TMPO: variants seen among roughly 807,000 people sequenced by gnomAD.
TMPO encodes LEM domain containing 4.
In TMPO, 22 loss-of-function variants were observed where a neutral mutation model predicts 45.4. The observed-to-expected ratio is 0.48, with a 90% confidence interval of 0.35 to 0.69. TMPO has a LOEUF of 0.69. Among genes scored for constraint, TMPO ranks in the 30% least tolerant of loss-of-function variants. TMPO has a pLI of 0.01. For missense variants in TMPO, 512 were observed against 548.8 expected (o/e 0.93, Z 0.67); for synonymous variants, 241 against 204.1 (o/e 1.18, Z -1.54).
At position 98,547,819 on chromosome 12, in the gene TMPO, C is replaced by T; in HGVS notation, c.1326C>T (p.Phe442=). 1 of 1,614,028 alleles carries T rather than the reference C, an allele frequency of 6.2e-7. No homozygotes were observed. The highest frequency in any genetic ancestry group is 1.7e-5 in the Admixed American group (1 of 59,980). Residue 442 remains phenylalanine, a synonymous_variant, in exon 9 of 9, where the codon TTC becomes TTT. Transcript: ENST00000556029. ...TGGAAACCAACCAAGTAAATCCCTT[C>T]TCTAATTTTCTTCATGTTGACCCTA... ...QAMETNQVNP[F]SNFLHVDPRK...
At chr12:98,531,547 A>T (rs796528859) in intron 2 of TMPO, 133 bp from the exon 3 acceptor site, 46 of 777,902 alleles carry the variant, frequency 5.9e-5, no homozygotes, top group African/African-American at 3.9e-4. Context: ...ATTATATGGT[A>T]TTTTTTTTTT....
intron 1 of TMPO, among the ~76,000 whole-genome samples, chr12:98,518,381 T>C (rs1177925988): frequency 2.0e-5 from 3 of 151,588 alleles, no homozygotes; most frequent in Non-Finnish European, 4.4e-5. Flanking sequence ...AGCCTCAAAC[T>C]CTTTGGCTCA....
chr12:98,543,609 A>G (rs549514260), intron 4 of TMPO, among the ~76,000 whole-genome samples: 2 of 152,314 alleles, frequency 1.3e-5, no homozygotes, highest in Admixed American at 6.5e-5. Flanking sequence ...GAGATTTGAA[A>G]GTGACGTTAG....
chr12:98,545,647 CAT>C (rs1878187726), intron 7 of TMPO, among the ~76,000 whole-genome samples: 1 of 152,002 alleles, frequency 6.6e-6, no homozygotes, highest in African/African-American at 2.4e-5. Context: ...AATTTTAAAA[CAT>C]ATAGTAAAGT....
rs553349069 is a variant in TMPO at position 98,533,521 on chromosome 12, T to C, written c.565+1683T>C. The C allele has an allele frequency of 3.1e-6, 5 of 1,614,166 alleles. No individual in the cohort carries two copies. The South Asian group carries it at 5.5e-5, about 18-fold the overall frequency. On this transcript the variant is annotated intron_variant, in intron 3 of 8. Transcript: ENST00000556029. ...TCAGTCTAAGTTTCAAGAAACTGAA[T>C]TCCTGTCTCCTCCAAGAAAAGTCCC... is the stretch of plus-strand genomic sequence containing the variant.
intron 1 of TMPO, among the ~76,000 whole-genome samples, chr12:98,525,664 C>T (rs1876709031): frequency 6.6e-6 from 1 of 150,696 alleles, no homozygotes; most frequent in African/African-American, 2.4e-5. Flanking sequence ...TCACTTGGAC[C>T]TTGGATGCAG....
chr12:98,547,670 A>G lies in TMPO; in HGVS notation c.1177A>G (p.Lys393Glu), dbSNP rs199545670. ...EESFSSKYVP[K>E]YVPLADVKSE... ...GTCTTTTTCATCTAAATATGTTCCT[A>G]AGTATGTTCCCTTGGCAGATGTCAA... The change falls in exon 9 of 9, where the codon AAG becomes GAG. Residue 393 changes from lysine (K) to glutamate (E), a missense_variant. Around this residue, in one of 3 missense-constraint regions of TMPO, gnomAD observed 209 missense variants for 235.1 expected, o/e 0.89. Transcript: ENST00000556029. 16 of 1,614,066 alleles carry G rather than the reference A, an allele frequency of 9.9e-6. No homozygotes were observed. Among genetic ancestry groups the G allele is most frequent in the Middle Eastern group, 1.6e-4 (1 of 6,084 alleles).
intron 3 of TMPO, among the ~76,000 whole-genome samples, chr12:98,536,135 A>T (rs1006291691): frequency 3.3e-5 from 5 of 152,340 alleles, no homozygotes; most frequent in East Asian, 1.9e-4. Flanking sequence ...TATTAAATAG[A>T]TTCTGTACTA....
At chr12:98,524,943 T>G (rs1876654007) in intron 1 of TMPO, among the ~76,000 whole-genome samples, 1 of 152,192 alleles carries the variant, frequency 6.6e-6, no homozygotes, top group Admixed American at 6.5e-5. Flanking sequence ...AGTTGGAATT[T>G]CCTGGATGTT....
At chr12:98,534,580 G>A (rs1463368578) in intron 3 of TMPO, 2 of 1,288,122 alleles carry the variant, frequency 1.6e-6, no homozygotes, top group African/African-American at 1.5e-5. Context: ...TCACATATTA[G>A]TCTCTAAGTT....
intron 3 of TMPO, chr12:98,532,361 C>T (rs1004305591): frequency 1.9e-4 from 31 of 166,342 alleles, no homozygotes; most frequent in Middle Eastern, 2.9e-3. Flanking sequence ...GTTTATTCTT[C>T]ATAATTAATA....
intron 1 of TMPO, 86 bp downstream of exon 1, chr12:98,516,232 G>GGC: frequency 3.1e-6 from 4 of 1,307,322 alleles, no homozygotes; most frequent in Non-Finnish European, 3.9e-6. Context: ...CTCCCTCCCG[G>GGC]GCGCCCCCTC....
At chr12:98,545,633 CTA>C (rs1878187274) in intron 7 of TMPO, among the ~76,000 whole-genome samples, 1 of 151,862 alleles carries the variant, frequency 6.6e-6, no homozygotes, top group Non-Finnish European at 1.5e-5. Context: ...ATTGCATTGA[CTA>C]TAATTTTAAA....
chr12:98,542,467 T>C (rs891049187), intron 4 of TMPO, among the ~76,000 whole-genome samples: 2 of 151,284 alleles, frequency 1.3e-5, no homozygotes, highest in Non-Finnish European at 3.0e-5. Context: ...TTTTTTTTTT[T>C]AAAGCTCTCC....
In TMPO at chr12:98,516,005, G is replaced by C; in HGVS notation, c.138G>C (p.Thr46=). The C allele has an allele frequency of 6.2e-7, 1 of 1,611,372 alleles. No homozygotes were observed. The highest frequency in any genetic ancestry group is 8.5e-7 in the Non-Finnish European group (1 of 1,179,578). Residue 46 remains threonine, a synonymous_variant, in exon 1 of 9, where the codon ACG becomes ACC. Transcript: ENST00000556029. ...TCCAGCTCTACCTGCAGCACCTCAC[G>C]GCTCGCAACCGGCCGCCGCTCCCCG... The part of the protein sequence containing the change: ...VYVQLYLQHL[T]ARNRPPLPAG...
intron 1 of TMPO, among the ~76,000 whole-genome samples, chr12:98,518,317 G>A (rs775234972): frequency 6.6e-5 from 10 of 151,994 alleles, no homozygotes; most frequent in Non-Finnish European, 1.2e-4. Context: ...TTTTAGGCGG[G>A]ATCTCGCTTT....
chr12:98,526,970 AAAAG>A (rs1326086542), intron 1 of TMPO, among the ~76,000 whole-genome samples: 2 of 152,100 alleles, frequency 1.3e-5, no homozygotes, highest in Non-Finnish European at 2.9e-5. Context: ...AAAAAAAAGA[AAAAG>A]AAAAGAAAAT....
chr12:98,540,329 A>G (rs918462657), intron 4 of TMPO, among the ~76,000 whole-genome samples: 1 of 152,186 alleles, frequency 6.6e-6, no homozygotes, highest in Non-Finnish European at 1.5e-5. Context: ...GAATACTTCG[A>G]TGGTGACTAG....
In TMPO at chr12:98,515,797, C is replaced by T; in HGVS notation, c.-71C>T. On this transcript the variant is annotated 5_prime_UTR_variant, in exon 1 of 9. Coordinates refer to ENST00000556029, the MANE Select transcript of TMPO (RefSeq NM_001032283.3). ...TCGGAGGCGGCAGCGCGGTCCCCGG[C>T]CAGGAGCAAGCGCGCCGGCGTGAGC... 2 of 1,559,412 alleles carry T rather than the reference C, an allele frequency of 1.3e-6. No individual in the cohort carries two copies. Among genetic ancestry groups the T allele is most frequent in the Non-Finnish European group, 1.7e-6 (2 of 1,153,100 alleles).
Sources: gnomAD v4.1 joint callset for allele counts (sites outside exome capture counted in the v4.1 genomes callset) on GRCh38, gnomAD v4.1.1 for gene constraint, gnomAD v4.1.1 regional missense constraint, MANE v1.5 for transcripts, NCBI Gene and HGNC (gene_info 2026-07-23, HGNC 2026-07-21) for gene names.